The following CDH23 variants were observed in gnomAD, a reference collection of about 807,000 sequenced individuals.
CDH23 encodes cadherin-23.
Under a neutral mutation model 317.1 loss-of-function variants are expected in CDH23, and 189 were observed. That is an observed-to-expected ratio of 0.60 (90% confidence interval 0.53 to 0.67). CDH23 has a LOEUF of 0.67. CDH23 is among the 30% of genes least tolerant of loss of function. The pLI, the probability that CDH23 is intolerant of heterozygous loss-of-function variation, is 0.00. For missense variants in CDH23, 4,401 were observed against 4,592.4 expected, an observed-to-expected ratio of 0.96 and a Z score of 1.20; for synonymous variants, 1,839 against 1,876.8, an observed-to-expected ratio of 0.98 and a Z score of 0.52.
At chr10:71,445,933 A>G (rs1398023260) in intron 2 of CDH23, among the ~76,000 whole-genome samples, 1 of 152,160 alleles carries the variant, frequency 6.6e-6, no homozygotes, top group Admixed American at 6.5e-5. Context: ...GATCCAATAT[A>G]TCCAAAATAG....
At chr10:71,538,216 T>A (rs1342597043) in intron 6 of CDH23, among the ~76,000 whole-genome samples, 2 of 152,226 alleles carry the variant, frequency 1.3e-5, no homozygotes, top group Non-Finnish European at 2.9e-5. Flanking sequence ...TCATTTCCGA[T>A]ACACTAGGGG....
In CDH23 at chr10:71,799,319, C is replaced by T. The variant is rs570022549; in HGVS notation, c.7224+39C>T. On this transcript the variant is annotated intron_variant, in intron 51 of 69. Transcript: ENST00000224721. The stretch of plus-strand genomic sequence containing the variant: ...CCACAGGCTGGGTCCAGGACCTGCG[C>T]CCATTCCTTGGGGTCTTTGGGCATC... 6.8e-6 allele frequency: 11 copies of T among 1,613,416 alleles called. No homozygotes were observed. In the East Asian group the frequency reaches 1.3e-4, roughly 20 times the overall value.
chr10:71,625,421 A>AAAAAC lies in CDH23; in HGVS notation c.1134+8031_1134+8032insACAAA, dbSNP rs778124827. The stretch of plus-strand genomic sequence containing the variant: ...TAAAAAAAAAAAAAAAAAAAAAAAA[A>AAAAAC]AAATGACAAGGAGAAAAGGCCATAT... On this transcript the variant is annotated intron_variant, in intron 11 of 69. Coordinates refer to ENST00000224721, the MANE Select transcript of CDH23 (RefSeq NM_022124.6). 4.2e-3 allele frequency among the ~76,000 whole-genome samples: 392 copies of AAAAAC among 92,346 alleles called. 16 individuals are homozygous for AAAAAC. The highest frequency in any genetic ancestry group is 0.013 in the African/African-American group (330 of 24,880). 60.6% of individuals were successfully genotyped at this position (92,346 alleles called of 152,430 possible).
rs778688760 is a variant in CDH23, at chr10:71,739,775, G to T, written c.4488+3G>T. 5.0e-6 allele frequency: 8 copies of T among 1,607,896 alleles called. No homozygotes were observed. The highest frequency in any genetic ancestry group is 3.3e-4 in the Middle Eastern group (2 of 6,072). On this transcript the variant is annotated splice_donor_region_variant and intron_variant, in intron 36 of 69. Coordinates refer to ENST00000224721, the MANE Select transcript of CDH23 (RefSeq NM_022124.6). ...AGCTGGATCACTACATCCTCCAGGT[G>T]GGGCCTGGCCTCCCTTGGACTGAGA...
chr10:71,612,012 C>T (rs1860926345), intron 9 of CDH23, among the ~76,000 whole-genome samples: 1 of 152,188 alleles, frequency 6.6e-6, no homozygotes, highest in Admixed American at 6.5e-5. Context: ...TCTCCTGCCC[C>T]TACCCAAGCC....
intron 9 of CDH23, among the ~76,000 whole-genome samples, chr10:71,588,682 A>T (rs898406793): frequency 1.3e-5 from 2 of 152,146 alleles, no homozygotes; most frequent in African/African-American, 4.8e-5. Context: ...TCAGTTCTCT[A>T]TAAAATCCCC....
intron 3 of CDH23, among the ~76,000 whole-genome samples, chr10:71,507,966 G>C (rs898460323): frequency 6.6e-6 from 1 of 152,190 alleles, no homozygotes; most frequent in Non-Finnish European, 1.5e-5. Context: ...TTCCAACTCC[G>C]AAATGGGAGG....
chr10:71,459,801 G>A (rs1850889300), intron 3 of CDH23, among the ~76,000 whole-genome samples: 1 of 152,168 alleles, frequency 6.6e-6, no homozygotes, highest in Non-Finnish European at 1.5e-5. Flanking sequence ...CCCCTGGCCA[G>A]CCCCAGAGCT....
chr10:71,790,662 G>A (rs1418637615), intron 46 of CDH23: 10 of 545,472 alleles, frequency 1.8e-5, no homozygotes, highest in Non-Finnish European at 2.6e-5. Context: ...GCCTGGGCCG[G>A]GAGCCCCCCA....
intron 3 of CDH23, among the ~76,000 whole-genome samples, chr10:71,474,055 A>G (rs1190224020): frequency 6.6e-6 from 1 of 152,152 alleles, no homozygotes; most frequent in Non-Finnish European, 1.5e-5. Flanking sequence ...TAGGAATGGC[A>G]CTGCTCTCAT....
rs534333798 is a variant in CDH23, at chr10:71,732,173, T to C, written c.3902T>C (p.Ile1301Thr). 6.2e-7 allele frequency: 1 copy of C among 1,613,930 alleles called. No homozygotes were observed. The highest frequency in any genetic ancestry group is 1.7e-5 in the Admixed American group (1 of 60,012). Residue 1301 changes from isoleucine to threonine, a missense_variant, in exon 32 of 70, where the codon ATC becomes ACC. Transcript: ENST00000224721. ...AACCAGGGCTTCTGCAGCGTCTACA[T>C]CACTCTGCTCAACGAGCTGGACGAG... ...PFNQGFCSVY[I>T]TLLNELDEAV...
intron 57 of CDH23, among the ~76,000 whole-genome samples, 197 bp from the exon 58 acceptor site, chr10:71,807,080 C>T (rs1257461653): frequency 6.6e-6 from 1 of 152,218 alleles, no homozygotes; most frequent in South Asian, 2.1e-4. Flanking sequence ...TTCTGGGCAA[C>T]ACTCCGTGAG....
At chr10:71,602,085 C>T (rs1407670661) in intron 9 of CDH23, among the ~76,000 whole-genome samples, 2 of 152,190 alleles carry the variant, frequency 1.3e-5, no homozygotes, top group African/African-American at 2.4e-5. Context: ...GAACCTCGTC[C>T]GACCACATCT....
chr10:71,414,807 C>T (rs958332225), intron 1 of CDH23, among the ~76,000 whole-genome samples: 9 of 152,148 alleles, frequency 5.9e-5, no homozygotes, highest in South Asian at 2.1e-4. Context: ...TAGAACAATT[C>T]GATGGAGAAG....
Position 71,760,207 on chromosome 10 carries a change from GTGTGTATATATGTGTATATA to G in CDH23, c.4846-17471_4846-17452del, listed in dbSNP as rs1326804363. 1.9e-4 allele frequency among the ~76,000 whole-genome samples: 3 copies of G among 16,184 alleles called. 1 individual carries two copies. Among genetic ancestry groups the G allele is most frequent in the African/African-American group, 7.8e-4 (3 of 3,824 alleles). The allele number at this position is 16,184 out of a possible 152,430, so 10.6% of individuals were successfully genotyped here. On this transcript the variant is annotated intron_variant, in intron 38 of 69. Coordinates refer to ENST00000224721, the MANE Select transcript of CDH23 (RefSeq NM_022124.6). ...TATATATATGTATATACATATATAT[GTGTGTATATATGTGTATATA>G]TATGTATATACATATATATGTATGT...
intron 38 of CDH23, among the ~76,000 whole-genome samples, chr10:71,762,741 A>C (rs1840427312): frequency 6.6e-6 from 1 of 152,238 alleles, no homozygotes; most frequent in Non-Finnish European, 1.5e-5. Context: ...AGGGTGTCCT[A>C]GGCAAGATAG....
At chr10:71,791,478 G>T in intron 47 of CDH23, 143 bp downstream of exon 47, 1 of 670,818 alleles carries the variant, frequency 1.5e-6, no homozygotes. Flanking sequence ...ACACTGGAGA[G>T]GGAGTCAGGA....
At chr10:71,417,639 T>C (rs1848590840) in intron 1 of CDH23, among the ~76,000 whole-genome samples, 1 of 152,260 alleles carries the variant, frequency 6.6e-6, no homozygotes, top group Admixed American at 6.5e-5. Flanking sequence ...AGACAAGTTC[T>C]GTCTCTATCA....
At chr10:71,664,459 T>A (rs556559307) in intron 14 of CDH23, among the ~76,000 whole-genome samples, 1 of 152,276 alleles carries the variant, frequency 6.6e-6, no homozygotes, top group East Asian at 1.9e-4. Context: ...GCATCCCTCC[T>A]GCAGGGCTTA....
Sources: allele counts gnomAD v4.1 joint callset (sites outside exome capture counted in the v4.1 genomes callset), GRCh38; gene constraint gnomAD v4.1.1; transcripts MANE v1.5; gene names NCBI Gene and HGNC (gene_info 2026-07-23, HGNC 2026-07-21).